The following ABCB1 variants were observed in gnomAD, a reference collection of about 807,000 sequenced individuals.
ABCB1 encodes ATP binding cassette subfamily B member 1.
ABCB1 carries 69 observed loss-of-function variants against 142.0 expected under a neutral mutation model. That is an observed-to-expected ratio of 0.49 (90% CI 0.40 to 0.59). ABCB1 has a LOEUF of 0.59. ABCB1 is among the 20% of genes least tolerant of loss of function. The pLI, the probability that ABCB1 is intolerant of heterozygous loss-of-function variation, is 0.00. For synonymous variants in ABCB1, 532 were observed against 539.2 expected (o/e 0.99, Z 0.18); for missense variants, 1,326 against 1,554.7 (o/e 0.85, Z 2.47).
intron 2 of ABCB1, among the ~76,000 whole-genome samples, chr7:87,599,784 C>G (rs527251027): frequency 6.6e-6 from 1 of 152,268 alleles, no homozygotes; most frequent in African/African-American, 2.4e-5. Context: ...ATGAAATATA[C>G]CTAAGGTGAT....
chr7:87,629,041 T>G, intron 1 of ABCB1: 4 of 1,111,496 alleles, frequency 3.6e-6, no homozygotes, highest in Non-Finnish European at 3.5e-6. Context: ...CATGATGGGC[T>G]GCCGCCCAGT....
intron 3 of ABCB1, among the ~76,000 whole-genome samples, chr7:87,589,381 T>C (rs1230310695): frequency 2.0e-5 from 3 of 152,116 alleles, no homozygotes; most frequent in African/African-American, 7.2e-5. Flanking sequence ...ATATAATAAT[T>C]AACAAGACTT....
intron 4 of ABCB1, among the ~76,000 whole-genome samples, chr7:87,571,314 C>T (rs1200505061): frequency 6.6e-6 from 1 of 152,132 alleles, no homozygotes; most frequent in Admixed American, 6.5e-5. Context: ...AATCTGGGTC[C>T]TGCAGGTATG....
chr7:87,555,606 T>G (rs1817273446), intron 8 of ABCB1, among the ~76,000 whole-genome samples: 1 of 152,180 alleles, frequency 6.6e-6, no homozygotes, highest in Non-Finnish European at 1.5e-5. Flanking sequence ...AACTTCATAG[T>G]GACAACATAG....
chr7:87,681,202 A>G (rs1480967496), intron 1 of ABCB1, among the ~76,000 whole-genome samples: 1 of 150,730 alleles, frequency 6.6e-6, no homozygotes, highest in Admixed American at 6.6e-5. Flanking sequence ...AAAACCTTCC[A>G]ACAATGAAAA....
intron 1 of ABCB1, among the ~76,000 whole-genome samples, chr7:87,656,169 G>A (rs1585017882): frequency 6.6e-6 from 1 of 151,916 alleles, no homozygotes; most frequent in Non-Finnish European, 1.5e-5. Context: ...ATATTAATTT[G>A]TTAATTAGTA....
chr7:87,703,325 G>C (rs867396718), intron 1 of ABCB1, among the ~76,000 whole-genome samples: 8 of 151,794 alleles, frequency 5.3e-5, no homozygotes, highest in East Asian at 1.9e-4. Context: ...TATTTTGTAA[G>C]CACGAACTGA....
chr7:87,692,263 C>A (rs979176445), intron 1 of ABCB1, among the ~76,000 whole-genome samples: 1 of 152,040 alleles, frequency 6.6e-6, no homozygotes, highest in African/African-American at 2.4e-5. Flanking sequence ...CCAGCCTGAG[C>A]AACATAGCAA....
chr7:87,594,319 T>A (rs1330800975), intron 3 of ABCB1, among the ~76,000 whole-genome samples: 2 of 152,180 alleles, frequency 1.3e-5, no homozygotes, highest in African/African-American at 4.8e-5. Flanking sequence ...AAGGATTAAA[T>A]GAGATTAAAT....
rs373009147 is a variant in ABCB1 at position 87,692,255 on chromosome 7, A to G, written c.-331+20906T>C. Among the ~76,000 whole-genome samples the G allele has an allele frequency of 2.4e-4, 37 of 152,262 alleles. No individual in the cohort carries two copies. The East Asian group carries it at 7.1e-3, about 29-fold the overall frequency. Reference sequence around the variant, plus strand: ...CCATTGAGCCCAGGAGTTTGAGACCAGCCTGAGCAACATAGCAAGATCTGG... The same window carrying G: ...CCATTGAGCCCAGGAGTTTGAGACCGGCCTGAGCAACATAGCAAGATCTGG... On this transcript the variant is annotated intron_variant, in intron 1 of 28. Transcript: ENST00000265724.
chr7:87,684,168 A>G (rs1827213250), intron 1 of ABCB1, among the ~76,000 whole-genome samples: 1 of 152,234 alleles, frequency 6.6e-6, no homozygotes, highest in South Asian at 2.1e-4. Flanking sequence ...GAAGTTTACA[A>G]CAGGGTTTCT....
At chr7:87,518,195 TTAAC>T (rs906105804) in intron 23 of ABCB1, among the ~76,000 whole-genome samples, 1 of 152,242 alleles carries the variant, frequency 6.6e-6, no homozygotes, top group African/African-American at 2.4e-5. Flanking sequence ...GTTTGTTTGT[TTAAC>T]TAGCACTAAA....
intron 1 of ABCB1, among the ~76,000 whole-genome samples, chr7:87,611,805 A>G (rs931771189): frequency 6.6e-6 from 1 of 152,122 alleles, no homozygotes; most frequent in African/African-American, 2.4e-5. Context: ...ATTGTTTTTT[A>G]TTACATTATT....
chr7:87,584,671 C>A (rs148260173), intron 4 of ABCB1, among the ~76,000 whole-genome samples: 2 of 152,232 alleles, frequency 1.3e-5, no homozygotes, highest in Non-Finnish European at 2.9e-5. Context: ...TCAGCCAATT[C>A]TCCTGCTTCC....
At chr7:87,531,125 G>T (rs1287542121) in intron 21 of ABCB1, among the ~76,000 whole-genome samples, 169 bp downstream of exon 21, 1 of 152,136 alleles carries the variant, frequency 6.6e-6, no homozygotes, top group African/African-American at 2.4e-5. Context: ...AACTGGCTTT[G>T]CTACTTTCTG....
At chr7:87,645,373 C>G (rs1231985082) in intron 1 of ABCB1, among the ~76,000 whole-genome samples, 2 of 152,094 alleles carry the variant, frequency 1.3e-5, no homozygotes, top group Non-Finnish European at 2.9e-5. Flanking sequence ...GTTGAGCCAC[C>G]ACGCCTGGCC....
intron 1 of ABCB1, among the ~76,000 whole-genome samples, chr7:87,692,302 A>C (rs924680211): frequency 6.6e-6 from 1 of 152,124 alleles, no homozygotes; most frequent in Non-Finnish European, 1.5e-5. Context: ...AAAACACATA[A>C]AAACATTAGT....
At chr7:87,518,613 T>C (rs1815352741) in intron 23 of ABCB1, among the ~76,000 whole-genome samples, 1 of 152,234 alleles carries the variant, frequency 6.6e-6, no homozygotes. Flanking sequence ...CAGGCTTATA[T>C]GATTCTGGTT....
At chr7:87,565,266 A>G (rs1279451589) in intron 7 of ABCB1, among the ~76,000 whole-genome samples, 1 of 152,228 alleles carries the variant, frequency 6.6e-6, no homozygotes, top group Non-Finnish European at 1.5e-5. Flanking sequence ...CTTTTGCTAC[A>G]TGAATTTATA....
Sources: allele counts gnomAD v4.1 joint callset (sites outside exome capture counted in the v4.1 genomes callset), GRCh38; gene constraint gnomAD v4.1.1; transcripts MANE v1.5; gene names NCBI Gene and HGNC (gene_info 2026-07-23, HGNC 2026-07-21).